Variants in RNF20 observed in about 807,000 individuals in gnomAD.
RNF20 encodes the protein ring finger protein 20, also known as E3 ubiquitin-protein ligase BRE1A.
A neutral mutation model predicts 126.2 loss-of-function variants in RNF20; 84 were observed. The observed-to-expected ratio is 0.67, with a 90% CI of 0.56 to 0.80. RNF20 has a LOEUF of 0.80. RNF20 is among the 30% of genes least tolerant of loss of function. The pLI, the probability that RNF20 is intolerant of heterozygous loss-of-function variation, is 0.00. For synonymous variants in RNF20, 400 were observed against 414.3 expected, an observed-to-expected ratio of 0.97 and a Z score of 0.42; for missense variants, 869 against 1,188.2, an observed-to-expected ratio of 0.73 and a Z score of 3.95.
At chr9:101,545,993 T>C (rs1486080016) in intron 6 of RNF20, among the ~76,000 whole-genome samples, 1 of 152,144 alleles carries the variant, frequency 6.6e-6, no homozygotes, top group African/African-American at 2.4e-5. Flanking sequence ...AATTTTTACA[T>C]GTTGGCTGAC....
At chr9:101,557,653 T>A in intron 16 of RNF20, 57 bp downstream of exon 16, 1 of 1,293,028 alleles carries the variant, frequency 7.7e-7, no homozygotes, top group Non-Finnish European at 1.1e-6. Flanking sequence ...TTCTACATGA[T>A]GATATAAGTA....
intron 18 of RNF20, chr9:101,561,506 C>A: frequency 2.3e-6 from 1 of 434,890 alleles, no homozygotes; most frequent in Non-Finnish European, 4.1e-6. Context: ...AGAGGATTTT[C>A]AAGTTCTTGT....
intron 2 of RNF20, among the ~76,000 whole-genome samples, chr9:101,536,656 A>G (rs1322820074): frequency 1.3e-5 from 2 of 152,222 alleles, no homozygotes; most frequent in East Asian, 3.8e-4. Context: ...TACACTGAAG[A>G]CAGCCCCTAG....
intron 2 of RNF20, among the ~76,000 whole-genome samples, chr9:101,537,652 A>G (rs1272963557): frequency 6.6e-6 from 1 of 152,230 alleles, no homozygotes; most frequent in Non-Finnish European, 1.5e-5. Context: ...GACTAATCAA[A>G]GATACAAACA....
chr9:101,557,187 G>T (rs1386710920), intron 15 of RNF20, among the ~76,000 whole-genome samples, 197 bp from the exon 16 acceptor site: 2 of 152,198 alleles, frequency 1.3e-5, no homozygotes, highest in African/African-American at 4.8e-5. Context: ...CAACTAATAA[G>T]TATCAGACCA....
rs1168160129 is a variant in RNF20 at position 101,544,686 on chromosome 9, G to T, written c.629-81G>T. The T allele has an allele frequency of 5.4e-6, 5 of 932,030 alleles. No individual in the cohort carries two copies. In the African/African-American group the frequency reaches 8.3e-5, roughly 15 times the overall value. 57.7% of individuals were successfully genotyped at this position (932,030 alleles called of 1,614,324 possible). ...CGCGCCACTGTACTCCAGCCTGGGC[G>T]ATAGAGCAAGACTCCGTCTTAAAAA... On this transcript the variant is annotated intron_variant, in intron 5 of 19. Transcript: ENST00000389120.
In RNF20 at chr9:101,540,611, A is replaced by T. The variant is rs1202567759; in HGVS notation, c.419A>T (p.Gln140Leu). Residue 140 changes from glutamine to leucine, a missense_variant, in exon 4 of 20, where the codon CAG becomes CTG. Transcript: ENST00000389120. ...CCAGAACCAGACTCTGATAGCAATC[A>T]GGAGCGTAAAGATGACCGAGAGAGA... ...PEPEPDSDSNQERKDDRERGE... is the reference protein window; with the variant it reads ...PEPEPDSDSNLERKDDRERGE... The T allele has an allele frequency of 6.2e-7, 1 of 1,614,212 alleles. No homozygotes were observed. Among genetic ancestry groups the T allele is most frequent in the Admixed American group, 1.7e-5 (1 of 60,026 alleles).
Position 101,561,225 on chromosome 9 carries a change from G to A in RNF20, c.2644G>A (p.Ala882Thr), listed in dbSNP as rs1827624340. 4.3e-6 allele frequency: 7 copies of A among 1,613,426 alleles called. No individual in the cohort carries two copies. The highest frequency in any genetic ancestry group is 1.3e-5 in the African/African-American group (1 of 74,882). Residue 882 changes from alanine to threonine, a missense_variant, in exon 18 of 20, where the codon GCC (alanine) becomes ACC (threonine). By Grantham distance (58) the Ala-to-Thr change is moderately conservative. Around this residue, in one of 8 missense-constraint regions of RNF20, gnomAD observed 150 missense variants for 173.7 expected, o/e 0.86. Transcript: ENST00000389120. ...AAAGGACATGTTCAATTTCAAACGAGCCCAGGTAAAAGCAGTTGTCTTTTC... is the reference window on the plus strand; with the variant it reads ...AAAGGACATGTTCAATTTCAAACGAACCCAGGTAAAAGCAGTTGTCTTTTC... ...KEKDMFNFKR[A>T]QEDISRLRRK...
intron 15 of RNF20, among the ~76,000 whole-genome samples, 196 bp downstream of exon 15, chr9:101,555,039 G>A (rs1341741257): frequency 6.6e-6 from 1 of 151,866 alleles, no homozygotes; most frequent in Non-Finnish European, 1.5e-5. Context: ...TATTTGTGAG[G>A]CAAGAAATTT....
chr9:101,554,673 G>A (rs929147366), intron 14 of RNF20, 21 bp from the exon 15 acceptor site: 3 of 1,603,794 alleles, frequency 1.9e-6, no homozygotes, highest in Non-Finnish European at 2.6e-6. Context: ...TTATTTTTGT[G>A]CAATTCCTTT....
chr9:101,560,739 A>T, intron 16 of RNF20, 62 bp from the exon 17 acceptor site: 1 of 1,493,628 alleles, frequency 6.7e-7, no homozygotes, highest in South Asian at 1.3e-5. Flanking sequence ...AGATTAACAG[A>T]ATAGTTTTTT....
At chr9:101,558,596 A>T (rs967957574) in intron 16 of RNF20, among the ~76,000 whole-genome samples, 1 of 152,170 alleles carries the variant, frequency 6.6e-6, no homozygotes, top group African/African-American at 2.4e-5. Flanking sequence ...GATTATGGCC[A>T]TTCCTGCAAA....
At chr9:101,556,299 A>G (rs565911828) in intron 15 of RNF20, among the ~76,000 whole-genome samples, 2 of 152,300 alleles carry the variant, frequency 1.3e-5, no homozygotes, top group Admixed American at 6.5e-5. Context: ...GGTCTCTTCC[A>G]TATATTAAAA....
At chr9:101,559,341 GATTTGTTC>G (rs1280801097) in intron 16 of RNF20, among the ~76,000 whole-genome samples, 3 of 152,150 alleles carry the variant, frequency 2.0e-5, no homozygotes, top group African/African-American at 7.2e-5. Flanking sequence ...GATGCCTCCA[GATTTGTTC>G]ATTTTGCTTA....
In RNF20 at chr9:101,552,055, T is replaced by C; in HGVS notation, c.1409-86T>C. ...TTTGGTAATTCTCCCTATTTCTCAG[T>C]GCCTCCTGATGTGTTCTGTTCTTTC... On this transcript the variant is annotated intron_variant, in intron 11 of 19. Transcript: ENST00000389120. 8 of 1,521,076 alleles carry C rather than the reference T, an allele frequency of 5.3e-6. No homozygotes were observed. The South Asian group carries it at 9.3e-5, about 18-fold the overall frequency. 94.2% of individuals were successfully genotyped at this position (1,521,076 alleles called of 1,614,324 possible). A position where few individuals can be genotyped will look rare whatever the true frequency, so the allele number is the denominator to read the frequency against.
At position 101,563,318 on chromosome 9, in the gene RNF20, T is replaced by A. The variant is rs529733277; in HGVS notation, c.*896T>A. On this transcript the variant is annotated 3_prime_UTR_variant, in exon 20 of 20. Coordinates refer to ENST00000389120, the MANE Select transcript of RNF20 (RefSeq NM_019592.7). ...CTGTAGGACTTTGTTCTCCACAAGC[T>A]TGAATTAAAGCAGGATTCAGTTTGC... 1 of 152,784 alleles carries A rather than the reference T, an allele frequency of 6.5e-6. No homozygotes were observed. The highest frequency in any genetic ancestry group is 2.1e-4 in the South Asian group (1 of 4,832). The allele number at this position is 152,784 out of a possible 1,614,324, so 9.5% of individuals were successfully genotyped here. A position where few individuals can be genotyped will look rare whatever the true frequency, so the allele number is the denominator to read the frequency against.
rs149019880 is a variant in RNF20, at chr9:101,558,860, C to T, written c.2382+1264C>T. Among the ~76,000 whole-genome samples, 3 of 151,832 alleles carry T rather than the reference C, an allele frequency of 2.0e-5. No homozygotes were observed. In the East Asian group the frequency reaches 5.8e-4, roughly 29 times the overall value. On this transcript the variant is annotated intron_variant, in intron 16 of 19. Transcript: ENST00000389120. ...CCCACTCTATGGGTTGTCTGTTTAC[C>T]CTGATGATTATTTCTTTTGCTGTGC...
intron 1 of RNF20, among the ~76,000 whole-genome samples, chr9:101,534,910 T>C (rs1293730720): frequency 1.6e-5 from 2 of 127,076 alleles, no homozygotes; most frequent in African/African-American, 5.4e-5. Context: ...CTTGACTTTC[T>C]TTTTTTTTTT....
In RNF20 at chr9:101,562,263, G is replaced by A. The variant is rs10521057; in HGVS notation, c.2769G>A (p.Pro923=). The A allele has an allele frequency of 0.18, 290,958 of 1,613,252 alleles. 29,134 individuals are homozygous for A. Among genetic ancestry groups the A allele is most frequent in the East Asian group, 0.35 (15,470 of 44,822 alleles). The change falls in exon 20 of 20, where the codon CCG becomes CCA. Residue 923 remains proline, a synonymous_variant. Coordinates refer to ENST00000389120, the MANE Select transcript of RNF20 (RefSeq NM_019592.7). ...CTTTTTAGGCACGCTTGACCTGTCC[G>A]TGCTGTAACATGCGTAAAAAGGATG... The part of the protein sequence containing the change: ...IKDYKARLTC[P]CCNMRKKDAV...
Sources: gnomAD v4.1 joint callset for allele counts (sites outside exome capture counted in the v4.1 genomes callset) on GRCh38, gnomAD v4.1.1 for gene constraint, gnomAD v4.1.1 regional missense constraint, MANE v1.5 for transcripts, NCBI Gene and HGNC (gene_info 2026-07-23, HGNC 2026-07-21) for gene names.